ADAM23: variants seen among roughly 807,000 people sequenced by gnomAD.
ADAM23 encodes the protein disintegrin and metalloproteinase domain-containing protein 23.
Under a neutral mutation model 120.1 loss-of-function variants are expected in ADAM23, and 33 were observed. The ratio of observed to expected loss-of-function variants is 0.27; its 90% CI spans 0.21 to 0.37. The LOEUF is 0.37. ADAM23 is among the 10% of genes least tolerant of loss of function. ADAM23 has a pLI of 1.00. For missense variants in ADAM23, 862 were observed against 1,058.2 expected, an observed-to-expected ratio of 0.81 and a Z score of 2.57; for synonymous variants, 367 against 375.2, an observed-to-expected ratio of 0.98 and a Z score of 0.25.
rs1313950256 is a variant in ADAM23, at chr2:206,571,810, A to G, written c.1650A>G (p.Ser550=). Residue 550 remains serine, a synonymous_variant, in exon 17 of 26, where the codon TCA becomes TCG. Coordinates refer to ENST00000264377, the MANE Select transcript of ADAM23 (RefSeq NM_003812.4). ...ACGGGCCCTGCTGTAACAATACCTC[A>G]TGTCTTGTGAGTTTTCTGACAGTTT... ...CSDGPCCNNT[S]CLFQPRGYEC... 1.2e-6 allele frequency: 2 copies of G among 1,613,388 alleles called. No individual in the cohort carries two copies. The highest frequency in any genetic ancestry group is 1.1e-5 in the South Asian group (1 of 91,062).
chr2:206,477,568 C>T (rs934668215), intron 2 of ADAM23, among the ~76,000 whole-genome samples: 4 of 151,898 alleles, frequency 2.6e-5, no homozygotes, highest in African/African-American at 4.8e-5. Flanking sequence ...ACAGATATCC[C>T]GAAAGAGAAA....
In ADAM23 at chr2:206,455,430, C is replaced by T. The variant is rs551240948; in HGVS notation, c.432+9906C>T. 2.6e-5 allele frequency among the ~76,000 whole-genome samples: 4 copies of T among 152,264 alleles called. No homozygotes were observed. The South Asian group carries it at 6.2e-4, about 24-fold the overall frequency. ...TCTGGACCTATGATGGGAGGGGCTG[C>T]CATGAAGGTCTCTGAAATGCCTTGG... On this transcript the variant is annotated intron_variant, in intron 2 of 25. Transcript: ENST00000264377.
intron 18 of ADAM23, among the ~76,000 whole-genome samples, chr2:206,583,388 A>T (rs1342148369): frequency 1.3e-5 from 2 of 149,894 alleles, no homozygotes; most frequent in East Asian, 4.0e-4. Flanking sequence ...CGGGAGGCGG[A>T]GGTTGCAGTG....
chr2:206,480,307 G>T (rs115050015), intron 2 of ADAM23, among the ~76,000 whole-genome samples: 62 of 152,124 alleles, frequency 4.1e-4, no homozygotes, highest in African/African-American at 1.3e-3. Context: ...CTGGGAGGGA[G>T]ATGCCTGGTG....
intron 3 of ADAM23, among the ~76,000 whole-genome samples, chr2:206,515,727 G>A (rs545149654): frequency 6.6e-6 from 1 of 152,088 alleles, no homozygotes; most frequent in African/African-American, 2.4e-5. Flanking sequence ...AACACTTTTA[G>A]ACTGGAGTCT....
In ADAM23 at chr2:206,538,326, A is replaced by G. The variant is rs3770974; in HGVS notation, c.574-3726A>G. Among the ~76,000 whole-genome samples, 286 of 152,282 alleles carry G rather than the reference A, an allele frequency of 1.9e-3. 9 individuals carry two copies. The East Asian group carries it at 0.047, about 25-fold the overall frequency. On this transcript the variant is annotated intron_variant, in intron 4 of 25. Transcript: ENST00000264377. ...ATCAGGTATACATGTCCCATTATAG[A>G]TATCTTTTTCTATTTCTCATTTGTT...
chr2:206,556,588 C>A (rs190722741), intron 9 of ADAM23, among the ~76,000 whole-genome samples: 2 of 152,226 alleles, frequency 1.3e-5, no homozygotes, highest in East Asian at 3.9e-4. Context: ...TTTCAAATGT[C>A]CTCTTGAAGA....
intron 18 of ADAM23, among the ~76,000 whole-genome samples, chr2:206,581,684 A>ATG (rs1238236469): frequency 6.6e-6 from 1 of 152,170 alleles, no homozygotes; most frequent in African/African-American, 2.4e-5. Context: ...GTTGAATAGA[A>ATG]TGTGTATTCT....
At chr2:206,533,669 A>G (rs903410796) in intron 4 of ADAM23, among the ~76,000 whole-genome samples, 2 of 152,224 alleles carry the variant, frequency 1.3e-5, no homozygotes, top group Non-Finnish European at 2.9e-5. Context: ...CATACTTTGC[A>G]AAGAGGGTTG....
rs1429766258 is a variant in ADAM23, at chr2:206,594,185, T to C, written c.2079-552T>C. ...ACATTTGCACAAAGACAAAATTGAC[T>C]AATGACACAATTCTTAGAATATTAT... is the stretch of plus-strand genomic sequence containing the variant. On this transcript the variant is annotated intron_variant, in intron 22 of 25. Coordinates refer to ENST00000264377, the MANE Select transcript of ADAM23 (RefSeq NM_003812.4). 3.3e-5 allele frequency among the ~76,000 whole-genome samples: 5 copies of C among 152,154 alleles called. No individual in the cohort carries two copies. The East Asian group carries it at 9.7e-4, about 30-fold the overall frequency.
intron 15 of ADAM23, among the ~76,000 whole-genome samples, chr2:206,570,384 T>C (rs1458356067): frequency 6.6e-6 from 1 of 152,184 alleles, no homozygotes; most frequent in Non-Finnish European, 1.5e-5. Context: ...AAATTAGATA[T>C]CTGTGAGTCT....
intron 4 of ADAM23, among the ~76,000 whole-genome samples, chr2:206,535,951 A>T (rs72937508): frequency 6.6e-6 from 1 of 152,202 alleles, no homozygotes; most frequent in Non-Finnish European, 1.5e-5. Flanking sequence ...TATACTTAAA[A>T]AGGTAAACTT....
In ADAM23 at chr2:206,526,179, CAG is replaced by C. The variant is rs1381148280; in HGVS notation, c.510-4704_510-4703del. Among the ~76,000 whole-genome samples the C allele has an allele frequency of 2.9e-3, 425 of 145,504 alleles. 1 individual carries two copies. Among genetic ancestry groups the C allele is most frequent in the Admixed American group, 4.1e-3 (60 of 14,670 alleles). On this transcript the variant is annotated intron_variant, in intron 3 of 25. Transcript: ENST00000264377. ...ACACACACACACACACACACACACA[CAG>C]ACACACACAGACACACGTCTATACA...
At chr2:206,451,177 A>G (rs1400689995) in intron 2 of ADAM23, among the ~76,000 whole-genome samples, 1 of 152,236 alleles carries the variant, frequency 6.6e-6, no homozygotes, top group African/African-American at 2.4e-5. Flanking sequence ...CTCCAGGTGC[A>G]AAGGCCTGAC....
At chr2:206,564,173 C>A (rs1697830877) in intron 13 of ADAM23, among the ~76,000 whole-genome samples, 1 of 151,736 alleles carries the variant, frequency 6.6e-6, no homozygotes, top group South Asian at 2.1e-4. Flanking sequence ...TAGATGTATA[C>A]CTCTCTCTAT....
chr2:206,451,708 C>G (rs1025818080), intron 2 of ADAM23, among the ~76,000 whole-genome samples: 1 of 152,192 alleles, frequency 6.6e-6, no homozygotes, highest in African/African-American at 2.4e-5. Context: ...CAGGTCTTCC[C>G]TTTGCAGAGC....
chr2:206,467,798 C>T (rs1300954294), intron 2 of ADAM23, among the ~76,000 whole-genome samples: 1 of 152,344 alleles, frequency 6.6e-6, no homozygotes, highest in Non-Finnish European at 1.5e-5. Context: ...CTGAAGCAGG[C>T]TTCTGCTTGC....
intron 4 of ADAM23, among the ~76,000 whole-genome samples, chr2:206,533,174 T>C (rs1367989291): frequency 1.3e-5 from 2 of 152,126 alleles, no homozygotes; most frequent in Non-Finnish European, 2.9e-5. Flanking sequence ...TGCAGCCTTT[T>C]TTCCCCTAAA....
At chr2:206,600,769 T>C (rs1574559622) in intron 24 of ADAM23, among the ~76,000 whole-genome samples, 1 of 152,160 alleles carries the variant, frequency 6.6e-6, no homozygotes, top group Admixed American at 6.5e-5. Flanking sequence ...ATTTAAGGCA[T>C]GCTAGATTAT....
Sources: allele counts gnomAD v4.1 joint callset (sites outside exome capture counted in the v4.1 genomes callset), GRCh38; gene constraint gnomAD v4.1.1; transcripts MANE v1.5; gene names NCBI Gene and HGNC (gene_info 2026-07-23, HGNC 2026-07-21).